Variants in SLC8A1 observed in about 807,000 individuals in gnomAD.
SLC8A1 encodes the protein sodium/calcium exchanger 1.
In SLC8A1, 18 loss-of-function variants were observed where a neutral mutation model predicts 68.3. The observed-to-expected ratio is 0.26, with a 90% confidence interval of 0.18 to 0.39. The LOEUF is 0.39. Among genes scored for constraint, SLC8A1 ranks in the 10% least tolerant of loss-of-function variants. SLC8A1 has a pLI of 1.00. For missense variants in SLC8A1, 985 were observed against 1,156.7 expected (o/e 0.85, Z 2.15); for synonymous variants, 475 against 415.5 (o/e 1.14, Z -1.74).
chr2:40,111,076 G>A (rs889679418), exon 8 of SLC8A1: 2 of 152,054 alleles, frequency 1.3e-5, no homozygotes, highest in South Asian at 4.1e-4. Context: ...TTTTTGCAGG[G>A]TTTCTAAAAC....
At chr2:40,376,256 T>C (rs141080256) in intron 2 of SLC8A1, among the ~76,000 whole-genome samples, 70 of 152,150 alleles carry the variant, frequency 4.6e-4, no homozygotes, top group Non-Finnish European at 6.9e-4. Flanking sequence ...ACATTGTACC[T>C]CAACGGTTTC....
At chr2:40,469,394 G>T (rs1178127491) in intron 1 of SLC8A1, among the ~76,000 whole-genome samples, 1 of 152,080 alleles carries the variant, frequency 6.6e-6, no homozygotes, top group African/African-American at 2.4e-5. Context: ...TGTGAAGAAG[G>T]TCCTTGCTTT....
chr2:40,443,481 C>T (rs1346312055), intron 1 of SLC8A1, among the ~76,000 whole-genome samples: 2 of 152,148 alleles, frequency 1.3e-5, no homozygotes, highest in African/African-American at 2.4e-5. Context: ...TTTGTAATTA[C>T]CCTTCTCTGT....
chr2:40,353,085 T>C (rs773815401), intron 2 of SLC8A1, among the ~76,000 whole-genome samples: 2 of 152,202 alleles, frequency 1.3e-5, no homozygotes, highest in Non-Finnish European at 2.9e-5. Context: ...GACTTACTCC[T>C]TGTGCACCTA....
intron 2 of SLC8A1, among the ~76,000 whole-genome samples, chr2:40,366,470 T>C (rs1217765112): frequency 2.6e-5 from 4 of 152,056 alleles, no homozygotes; most frequent in Non-Finnish European, 5.9e-5. Flanking sequence ...TGGAATAATA[T>C]GTCAGAAATG....
chr2:40,101,845 A>T (rs2033910314), exon 8 of SLC8A1: 1 of 152,010 alleles, frequency 6.6e-6, no homozygotes, highest in African/African-American at 2.4e-5. Flanking sequence ...GTCACTCCAA[A>T]ATTTTTGATT....
chr2:40,382,402 T>C (rs1341799141), intron 2 of SLC8A1, among the ~76,000 whole-genome samples: 1 of 152,084 alleles, frequency 6.6e-6, no homozygotes, highest in Non-Finnish European at 1.5e-5. Flanking sequence ...TTAGTATTTT[T>C]ATTCCGTAAC....
At chr2:40,434,217 G>A (rs145992615) in intron 1 of SLC8A1, among the ~76,000 whole-genome samples, 75 of 152,264 alleles carry the variant, frequency 4.9e-4, no homozygotes, top group African/African-American at 1.7e-3. Context: ...GGCTTCCGGT[G>A]TTAACTAAAA....
intron 2 of SLC8A1, among the ~76,000 whole-genome samples, chr2:40,277,666 C>G (rs1334537840): frequency 6.6e-6 from 1 of 151,470 alleles, no homozygotes; most frequent in Non-Finnish European, 1.5e-5. Context: ...ATGTCATAAA[C>G]AGTCAACAAA....
intron 2 of SLC8A1, among the ~76,000 whole-genome samples, chr2:40,382,690 T>C (rs1485035026): frequency 6.6e-6 from 1 of 152,110 alleles, no homozygotes; most frequent in African/African-American, 2.4e-5. Flanking sequence ...ATTATAGGTA[T>C]GGTTTGAGCA....
At chr2:40,129,961 G>C (rs1416603793) in intron 7 of SLC8A1, among the ~76,000 whole-genome samples, 1 of 152,184 alleles carries the variant, frequency 6.6e-6, no homozygotes, top group Admixed American at 6.5e-5. Flanking sequence ...CAGGACACAT[G>C]CTGAGCATCC....
At chr2:40,401,763 A>AC (rs1688824554) in intron 2 of SLC8A1, among the ~76,000 whole-genome samples, 1 of 151,974 alleles carries the variant, frequency 6.6e-6, no homozygotes, top group Non-Finnish European at 1.5e-5. Context: ...ATCTATACTT[A>AC]CTTTTATATA....
At chr2:40,417,949 A>G (rs1038015409) in intron 2 of SLC8A1, among the ~76,000 whole-genome samples, 7 of 152,056 alleles carry the variant, frequency 4.6e-5, no homozygotes, top group African/African-American at 1.7e-4. Context: ...AGGGTCAAAG[A>G]CCCAGATCTA....
intron 2 of SLC8A1, among the ~76,000 whole-genome samples, chr2:40,228,911 T>C (rs1054479174): frequency 6.6e-6 from 1 of 152,184 alleles, no homozygotes; most frequent in African/African-American, 2.4e-5. Flanking sequence ...CAGTTCCTTT[T>C]GCAAATTACA....
At chr2:40,237,339 CTTCATTTCA>C (rs969316683) in intron 2 of SLC8A1, among the ~76,000 whole-genome samples, 47 of 152,286 alleles carry the variant, frequency 3.1e-4, no homozygotes, top group African/African-American at 1.1e-3. Flanking sequence ...TCCCTTCTCA[CTTCATTTCA>C]TTCATTTCAT....
chr2:40,356,345 T>TC (rs1160056972), intron 2 of SLC8A1, among the ~76,000 whole-genome samples: 1 of 152,144 alleles, frequency 6.6e-6, no homozygotes, highest in East Asian at 1.9e-4. Flanking sequence ...TGAATCAAGG[T>TC]ATGAAAAACC....
At chr2:40,264,762 A>G (rs2065143895) in intron 2 of SLC8A1, among the ~76,000 whole-genome samples, 2 of 152,178 alleles carry the variant, frequency 1.3e-5, no homozygotes, top group Non-Finnish European at 2.9e-5. Context: ...TGACGAGTTA[A>G]TGGGTGCAGC....
At chr2:40,223,751 A>G (rs1478065065) in intron 2 of SLC8A1, 1 of 152,118 alleles carries the variant, frequency 6.6e-6, no homozygotes, top group African/African-American at 2.4e-5. Context: ...AACAGAAAGC[A>G]GTAAGTTACA....
intron 2 of SLC8A1, among the ~76,000 whole-genome samples, chr2:40,296,977 T>G (rs1375681094): frequency 6.6e-6 from 1 of 152,172 alleles, no homozygotes. Flanking sequence ...ATGAGCTACA[T>G]AATCCAGCCC....
Sources: gnomAD v4.1 joint callset for allele counts (sites outside exome capture counted in the v4.1 genomes callset) on GRCh38, gnomAD v4.1.1 for gene constraint, MANE v1.5 for transcripts, NCBI Gene and HGNC (gene_info 2026-07-23, HGNC 2026-07-21) for gene names.